CMKLR1: variants seen among roughly 807,000 people sequenced by gnomAD.
The protein encoded by CMKLR1 is chemerin chemokine-like receptor 1, also known as chemerin-like receptor 1.
CMKLR1 carries 6 observed loss-of-function variants against 8.2 expected under a neutral mutation model. That is an observed-to-expected ratio of 0.73 (90% CI 0.40 to 1.44). CMKLR1 has a LOEUF of 1.44. Among genes scored for constraint, CMKLR1 ranks in the 40% most tolerant of loss-of-function variants. The pLI, the probability that CMKLR1 is intolerant of heterozygous loss-of-function variation, is 0.02. For missense variants in CMKLR1, 429 were observed against 478.0 expected (o/e 0.90, Z 0.96); for synonymous variants, 178 against 181.2 (o/e 0.98, Z 0.14).
In CMKLR1 at chr12:108,292,513, G is replaced by C. The variant is rs762062468; in HGVS notation, c.450C>G (p.His150Gln). The change falls in exon 4 of 4, where the codon CAC becomes CAG. Residue 150 changes from histidine to glutamine, a missense_variant. Physicochemically the swap from His to Gln is conservative, Grantham distance 24 (BLOSUM62 0). Coordinates refer to ENST00000550402, the MANE Select transcript of CMKLR1 (RefSeq NM_001142343.2). ...SVLLPVWSQN[H>Q]RSVRLAYMAC... ...CCATGTAAGCCAGGCGAACGCTGCG[G>C]TGGTTCTGGGACCAGACAGGGAGGA... 1.2e-6 allele frequency: 2 copies of C among 1,614,208 alleles called. No homozygotes were observed. Among genetic ancestry groups the C allele is most frequent in the Admixed American group, 1.7e-5 (1 of 60,034 alleles).
intron 2 of CMKLR1, among the ~76,000 whole-genome samples, chr12:108,306,865 T>C (rs61934534): frequency 0.12 from 17,736 of 152,106 alleles, 1,209 homozygotes; most frequent in South Asian, 0.15. Context: ...TGTAACCATC[T>C]CCCCAGCAGC....
intron 2 of CMKLR1, among the ~76,000 whole-genome samples, chr12:108,307,704 C>G (rs558589286): frequency 1.3e-5 from 2 of 152,346 alleles, no homozygotes; most frequent in South Asian, 4.1e-4. Context: ...GCAAGAGGCT[C>G]TGCAAAGCGT....
chr12:108,339,213 A>C lies in CMKLR1; in HGVS notation c.-473T>G, dbSNP rs1022262385. The stretch of plus-strand genomic sequence containing the variant: ...ATTCAAGATCCCCCTCTGAACCCCC[A>C]GAGCGCCGCAGCTGGAACACCCCTA... On this transcript the variant is annotated 5_prime_UTR_variant, in exon 1 of 4. Coordinates refer to ENST00000550402, the MANE Select transcript of CMKLR1 (RefSeq NM_001142343.2). 2 of 152,366 alleles carry C rather than the reference A, an allele frequency of 1.3e-5. No individual in the cohort carries two copies. Among genetic ancestry groups the C allele is most frequent in the Non-Finnish European group, 2.9e-5 (2 of 68,204 alleles). 9.4% of individuals were successfully genotyped at this position (152,366 alleles called of 1,614,324 possible).
At position 108,292,552 on chromosome 12, in the gene CMKLR1, G is replaced by A; in HGVS notation, c.411C>T (p.Arg137=). 2 of 1,614,200 alleles carry A rather than the reference G, an allele frequency of 1.2e-6. No homozygotes were observed. Among genetic ancestry groups the A allele is most frequent in the Non-Finnish European group, 8.5e-7 (1 of 1,180,040 alleles). The part of the protein sequence containing the change: ...VFLLTIISSD[R]CISVLLPVWS... The stretch of plus-strand genomic sequence containing the variant: ...AGACAGGGAGGAGCACAGAGATGCA[G>A]CGGTCAGAGCTGATGATGGTCAGCA... Residue 137 remains arginine (R), a synonymous_variant, in exon 4 of 4, where the codon CGC becomes CGT. Transcript: ENST00000550402.
chr12:108,323,659 T>C (rs990270589), intron 2 of CMKLR1, among the ~76,000 whole-genome samples: 1 of 152,234 alleles, frequency 6.6e-6, no homozygotes, highest in African/African-American at 2.4e-5. Flanking sequence ...CAGATGACAC[T>C]GAGCTGGAAG....
At chr12:108,326,029 T>C (rs1470285310) in intron 2 of CMKLR1, among the ~76,000 whole-genome samples, 1 of 152,066 alleles carries the variant, frequency 6.6e-6, no homozygotes, top group Non-Finnish European at 1.5e-5. Context: ...ATTGGGACAC[T>C]CACCTCCGTG....
intron 2 of CMKLR1, among the ~76,000 whole-genome samples, chr12:108,312,735 T>A (rs1313414104): frequency 1.3e-5 from 2 of 152,194 alleles, no homozygotes; most frequent in African/African-American, 2.4e-5. Flanking sequence ...GTCCTTTATG[T>A]TCTGTGGCTT....
intron 2 of CMKLR1, among the ~76,000 whole-genome samples, chr12:108,318,927 T>A (rs1046760373): frequency 6.6e-6 from 1 of 152,172 alleles, no homozygotes; most frequent in Non-Finnish European, 1.5e-5. Context: ...TCCCAGCCAC[T>A]CAGGAAAGGA....
At chr12:108,333,304 G>T (rs576912431) in intron 1 of CMKLR1, among the ~76,000 whole-genome samples, 1 of 152,258 alleles carries the variant, frequency 6.6e-6, no homozygotes, top group East Asian at 1.9e-4. Context: ...TGAGTCAGCC[G>T]CTGGTACTTC....
intron 1 of CMKLR1, among the ~76,000 whole-genome samples, chr12:108,337,306 A>G (rs1459165350): frequency 1.3e-5 from 2 of 152,226 alleles, no homozygotes; most frequent in Non-Finnish European, 2.9e-5. Context: ...GCAAACTGAG[A>G]GGAGTTATTA....
chr12:108,295,542 A>G (rs1344336074), intron 2 of CMKLR1, among the ~76,000 whole-genome samples: 6 of 152,250 alleles, frequency 3.9e-5, no homozygotes, highest in Non-Finnish European at 7.3e-5. Flanking sequence ...AGGCTGGGGC[A>G]AGACTAGAAT....
chr12:108,296,291 T>C (rs1891132487), intron 2 of CMKLR1, among the ~76,000 whole-genome samples: 1 of 152,230 alleles, frequency 6.6e-6, no homozygotes, highest in South Asian at 2.1e-4. Flanking sequence ...ATGGGCTTGA[T>C]AATAATAGCT....
At chr12:108,334,023 T>A (rs972715169) in intron 1 of CMKLR1, among the ~76,000 whole-genome samples, 1 of 152,232 alleles carries the variant, frequency 6.6e-6, no homozygotes, top group Non-Finnish European at 1.5e-5. Context: ...GCAGGGGCTA[T>A]GGAAAAAGTG....
chr12:108,316,297 C>T (rs1043094704), intron 2 of CMKLR1, among the ~76,000 whole-genome samples: 15 of 152,008 alleles, frequency 9.9e-5, no homozygotes, highest in Admixed American at 4.6e-4. Context: ...GGCAGGGGCT[C>T]GGCGGGATAG....
chr12:108,306,559 C>T (rs997487111), intron 2 of CMKLR1, among the ~76,000 whole-genome samples: 1 of 152,154 alleles, frequency 6.6e-6, no homozygotes, highest in Non-Finnish European at 1.5e-5. Flanking sequence ...TATGTGGCTA[C>T]CAGGGGCTCC....
chr12:108,294,023 C>A (rs1293079670), intron 2 of CMKLR1, among the ~76,000 whole-genome samples: 1 of 152,182 alleles, frequency 6.6e-6, no homozygotes, highest in African/African-American at 2.4e-5. Flanking sequence ...AACTCCACTA[C>A]CAGGGCAGGA....
rs765089451 is a variant in CMKLR1 at position 108,291,977 on chromosome 12, GC to G, written c.985del (p.Ala329ProfsTer10). ...MGQDFKKFKV[A>X]LFSRLVNALS... is the part of the protein sequence containing the mutation. ...AGCATTGACCAGGCGAGAGAAGAGGGCCACCTTGAACTTCTTGAAGTCCTGA... is the reference window on the plus strand; with the variant it reads ...AGCATTGACCAGGCGAGAGAAGAGGGCACCTTGAACTTCTTGAAGTCCTGA... On this transcript the variant is annotated frameshift_variant, in exon 4 of 4. Coordinates refer to ENST00000550402, the MANE Select transcript of CMKLR1 (RefSeq NM_001142343.2). LOFTEE classifies it high-confidence loss of function. The G allele has an allele frequency of 6.2e-6, 10 of 1,614,054 alleles. No individual in the cohort carries two copies. In the Admixed American group the frequency reaches 1.5e-4, roughly 24 times the overall value.
At chr12:108,338,841 T>A (rs1008895228) in intron 1 of CMKLR1, among the ~76,000 whole-genome samples, 186 bp downstream of exon 1, 3 of 152,242 alleles carry the variant, frequency 2.0e-5, no homozygotes, top group African/African-American at 7.2e-5. Flanking sequence ...TATATTTAGT[T>A]GTGTATCCTT....
At position 108,290,144 on chromosome 12, in the gene CMKLR1, G is replaced by C. The variant is rs1234189791; in HGVS notation, c.*1697C>G. 6.6e-6 allele frequency: 1 copy of C among 152,172 alleles called. No homozygotes were observed. The highest frequency in any genetic ancestry group is 2.4e-5 in the African/African-American group (1 of 41,452). The allele number at this position is 152,172 out of a possible 1,614,324, so 9.4% of individuals were successfully genotyped here. On this transcript the variant is annotated 3_prime_UTR_variant, in exon 4 of 4. Coordinates refer to ENST00000550402, the MANE Select transcript of CMKLR1 (RefSeq NM_001142343.2). ...TTCTCTGCCATGTTGCATCATTTTT[G>C]AAAACTATTTGCAAAGTTTCTTAAA...
Sources: gnomAD v4.1 joint callset for allele counts (sites outside exome capture counted in the v4.1 genomes callset) on GRCh38, gnomAD v4.1.1 for gene constraint, MANE v1.5 for transcripts, NCBI Gene and HGNC (gene_info 2026-07-23, HGNC 2026-07-21) for gene names.